The following ST18 variants were observed in gnomAD, a reference collection of about 807,000 sequenced individuals.
ST18 encodes the protein ST18 C2H2C-type zinc finger transcription factor, also known as suppression of tumorigenicity 18 protein.
In ST18, 50 loss-of-function variants were observed where a neutral mutation model predicts 110.0. The ratio of observed to expected loss-of-function variants is 0.45; its 90% CI spans 0.36 to 0.58. The LOEUF is 0.58. Among genes scored for constraint, ST18 ranks in the 20% least tolerant of loss-of-function variants. ST18 has a pLI of 0.00. For synonymous variants in ST18, 461 were observed against 452.4 expected, an observed-to-expected ratio of 1.02 and a Z score of -0.24; for missense variants, 1,306 against 1,280.1, an observed-to-expected ratio of 1.02 and a Z score of -0.31.
intron 2 of ST18, among the ~76,000 whole-genome samples, chr8:52,234,787 A>C (rs1055543384): frequency 6.6e-6 from 1 of 151,206 alleles, no homozygotes; most frequent in Admixed American, 6.6e-5. Context: ...CACAGCCATA[A>C]AAAGGAATGA....
intron 2 of ST18, among the ~76,000 whole-genome samples, chr8:52,271,386 G>T (rs963692116): frequency 1.1e-4 from 17 of 152,134 alleles, no homozygotes; most frequent in African/African-American, 3.9e-4. Context: ...GTGTTGAATA[G>T]CTTTCAAATC....
At chr8:52,322,504 G>C (rs1047308647) in intron 2 of ST18, among the ~76,000 whole-genome samples, 1 of 152,124 alleles carries the variant, frequency 6.6e-6, no homozygotes, top group Admixed American at 6.5e-5. Context: ...ATAACTACTT[G>C]AATTATATAA....
intron 2 of ST18, among the ~76,000 whole-genome samples, chr8:52,336,389 G>A (rs577765104): frequency 7.6e-4 from 116 of 152,232 alleles, no homozygotes; most frequent in African/African-American, 2.8e-3. Context: ...GGCATCAAGT[G>A]ATCTGCCCAC....
intron 2 of ST18, among the ~76,000 whole-genome samples, chr8:52,291,061 C>A (rs1466374213): frequency 6.6e-6 from 1 of 152,194 alleles, no homozygotes; most frequent in Non-Finnish European, 1.5e-5. Flanking sequence ...CAGGGCGCCC[C>A]ATTGAGTTCA....
chr8:52,143,790 T>C (rs1333167764), intron 16 of ST18, among the ~76,000 whole-genome samples: 1 of 152,212 alleles, frequency 6.6e-6, no homozygotes, highest in Non-Finnish European at 1.5e-5. Context: ...CACAAACTTT[T>C]AGACAGAAAA....
At chr8:52,263,615 T>TTG (rs2094769034) in intron 2 of ST18, among the ~76,000 whole-genome samples, 1 of 146,294 alleles carries the variant, frequency 6.8e-6, no homozygotes, top group Admixed American at 6.6e-5. Context: ...GTTTTGTTTT[T>TTG]TTTTTTTTTA....
intron 18 of ST18, 58 bp downstream of exon 18, chr8:52,137,363 A>C (rs1222271693): frequency 2.6e-6 from 4 of 1,568,460 alleles, no homozygotes; most frequent in African/African-American, 1.4e-5. Flanking sequence ...GGTGAGAATA[A>C]GTATTTAAAA....
At chr8:52,137,200 A>C (rs2052791585) in intron 18 of ST18, among the ~76,000 whole-genome samples, 1 of 152,186 alleles carries the variant, frequency 6.6e-6, no homozygotes, top group African/African-American at 2.4e-5. Context: ...ACATGAGCTC[A>C]ACTTTTCACT....
chr8:52,168,042 G>A (rs527608460), intron 10 of ST18, among the ~76,000 whole-genome samples: 2 of 151,940 alleles, frequency 1.3e-5, no homozygotes, highest in Admixed American at 1.3e-4. Context: ...GGCAGATAAA[G>A]GTGAAACAAA....
intron 8 of ST18, among the ~76,000 whole-genome samples, chr8:52,197,215 G>A (rs2135277059): frequency 6.6e-6 from 1 of 152,156 alleles, no homozygotes; most frequent in Admixed American, 6.5e-5. Context: ...AAATAACAAA[G>A]GCAATGAATA....
chr8:52,131,991 C>G lies in ST18; in HGVS notation c.2633G>C (p.Gly878Ala). ...GGTGACAAAAACATTATTTACATGGCCCAGCCCATTGCAGCCTGGCAAGGG... is the reference window on the plus strand; with the variant it reads ...GGTGACAAAAACATTATTTACATGGGCCAGCCCATTGCAGCCTGGCAAGGG... ...HCPLPGCNGL[G>A]HVNNVFVTHR... The change falls in exon 22 of 26, where the codon GGC becomes GCC. Residue 878 changes from glycine (G) to alanine (A), a missense_variant. Coordinates refer to ENST00000689386, the MANE Select transcript of ST18 (RefSeq NM_001352837.2). 1 of 1,614,194 alleles carries G rather than the reference C, an allele frequency of 6.2e-7. No individual in the cohort carries two copies. The highest frequency in any genetic ancestry group is 8.5e-7 in the Non-Finnish European group (1 of 1,180,044).
intron 2 of ST18, among the ~76,000 whole-genome samples, chr8:52,271,933 G>A (rs1211407542): frequency 6.6e-6 from 1 of 152,216 alleles, no homozygotes; most frequent in African/African-American, 2.4e-5. Flanking sequence ...AGAGCAAGAG[G>A]ACATGCCTAA....
At chr8:52,139,621 G>C (rs1455901612) in intron 17 of ST18, among the ~76,000 whole-genome samples, 1 of 152,140 alleles carries the variant, frequency 6.6e-6, no homozygotes, top group African/African-American at 2.4e-5. Context: ...CTCCCAAAGT[G>C]CTGGGATTAC....
intron 2 of ST18, among the ~76,000 whole-genome samples, chr8:52,339,327 G>T (rs954562955): frequency 6.6e-6 from 1 of 152,162 alleles, no homozygotes; most frequent in Non-Finnish European, 1.5e-5. Flanking sequence ...CTTCTCTGAC[G>T]TGTTCCTTCC....
Position 52,367,271 on chromosome 8 carries a change from A to ACACACACACACACACAC in ST18, c.-465+42056_-465+42057insGTGTGTGTGTGTGTGTG, listed in dbSNP as rs760192022. Among the ~76,000 whole-genome samples, 56 of 9,842 alleles carry ACACACACACACACACAC rather than the reference A, an allele frequency of 5.7e-3. 1 individual carries two copies. The highest frequency in any genetic ancestry group is 0.013 in the Non-Finnish European group (37 of 2,754). The allele number at this position is 9,842 out of a possible 152,430, so 6.5% of individuals were successfully genotyped here. ...ACACACACACACACACACACACACAAAGATTTTACCTTCTAGGTCGCATGC... is the reference window on the plus strand; with the variant it reads ...ACACACACACACACACACACACACAACACACACACACACACACAGATTTTACCTTCTAGGTCGCATGC... On this transcript the variant is annotated intron_variant, in intron 2 of 25. Coordinates refer to ENST00000689386, the MANE Select transcript of ST18 (RefSeq NM_001352837.2).
intron 2 of ST18, among the ~76,000 whole-genome samples, chr8:52,391,848 G>A (rs1303111293): frequency 6.6e-6 from 1 of 152,162 alleles, no homozygotes; most frequent in Non-Finnish European, 1.5e-5. Flanking sequence ...GGTGGGATTT[G>A]AACTATGACT....
chr8:52,395,573 A>G (rs1235059297), intron 2 of ST18, among the ~76,000 whole-genome samples: 1 of 152,190 alleles, frequency 6.6e-6, no homozygotes, highest in Non-Finnish European at 1.5e-5. Context: ...CCACGGTTAG[A>G]GAGAGGCCAA....
At chr8:52,327,003 C>T (rs1036614986) in intron 2 of ST18, among the ~76,000 whole-genome samples, 8 of 152,296 alleles carry the variant, frequency 5.3e-5, no homozygotes, top group East Asian at 1.9e-4. Flanking sequence ...AAAGTGCCAC[C>T]GGAGAGGGAG....
At position 52,149,760 on chromosome 8, in the gene ST18, G is replaced by A. The variant is rs772807482; in HGVS notation, c.2024C>T (p.Thr675Ile). ...TTTCTCCTCCTCTGTCTTCCCGTGA[G>A]TTTTGCTATAGTTGATAGGAGTGTC... ...GWDTPINYSK[T>I]HGKTEEEKEK... Residue 675 changes from threonine (T) to isoleucine (I), a missense_variant, in exon 16 of 26, where the codon ACT (threonine) becomes ATT (isoleucine). Physicochemically the swap from Thr to Ile is moderately conservative, Grantham distance 89 (BLOSUM62 -1). Coordinates refer to ENST00000689386, the MANE Select transcript of ST18 (RefSeq NM_001352837.2). The A allele has an allele frequency of 2.5e-6, 4 of 1,613,998 alleles. No individual in the cohort carries two copies. Among genetic ancestry groups the A allele is most frequent in the African/African-American group, 1.3e-5 (1 of 74,926 alleles).
Sources: allele counts gnomAD v4.1 joint callset (sites outside exome capture counted in the v4.1 genomes callset), GRCh38; gene constraint gnomAD v4.1.1; transcripts MANE v1.5; gene names NCBI Gene and HGNC (gene_info 2026-07-23, HGNC 2026-07-21).